The following MFN1 variants were observed in gnomAD, a reference collection of about 807,000 sequenced individuals.
The protein encoded by MFN1 is mitofusin-1.
A neutral mutation model predicts 92.4 loss-of-function variants in MFN1; 65 were observed. The observed-to-expected ratio is 0.70, with a 90% CI of 0.58 to 0.86. The LOEUF (loss-of-function observed/expected upper bound fraction) is 0.86, where lower values mean the gene tolerates loss of function less well. Ranked by LOEUF, MFN1 falls within the 40% of genes least tolerant of loss-of-function variation. MFN1 has a pLI of 0.00. For missense variants in MFN1, 781 were observed against 868.0 expected, an observed-to-expected ratio of 0.90 and a Z score of 1.26; for synonymous variants, 297 against 300.9, an observed-to-expected ratio of 0.99 and a Z score of 0.13.
chr3:179,354,159 GTGA>G (rs1247501070), intron 3 of MFN1, among the ~76,000 whole-genome samples: 1 of 152,170 alleles, frequency 6.6e-6, no homozygotes, highest in Non-Finnish European at 1.5e-5. Flanking sequence ...TCCTGGGAAG[GTGA>G]TGACTCAACT....
At position 179,392,067 on chromosome 3, in the gene MFN1, G is replaced by A; in HGVS notation, c.*8G>A. 1 of 1,586,478 alleles carries A rather than the reference G, an allele frequency of 6.3e-7. No individual in the cohort carries two copies. The highest frequency in any genetic ancestry group is 8.6e-7 in the Non-Finnish European group (1 of 1,158,386). On this transcript the variant is annotated 3_prime_UTR_variant, in exon 18 of 18. Transcript: ENST00000471841. ...AGCAATGAAGAATCCTAACAATAGAGATTGCTTTGGTGACCATGATAGGAG... is the reference window on the plus strand; with the variant it reads ...AGCAATGAAGAATCCTAACAATAGAAATTGCTTTGGTGACCATGATAGGAG...
In MFN1 at chr3:179,394,322, TTCA is replaced by T. The variant is rs1714011351; in HGVS notation, c.*2267_*2269del. ...GTATTAGGTTTGGTATGGCAACTTTTTCATCACTTGTTTTATGTAGTTGTCTGA... is the reference window on the plus strand; with the variant it reads ...GTATTAGGTTTGGTATGGCAACTTTTTCACTTGTTTTATGTAGTTGTCTGA... On this transcript the variant is annotated 3_prime_UTR_variant, in exon 18 of 18. Coordinates refer to ENST00000471841, the MANE Select transcript of MFN1 (RefSeq NM_033540.3). The T allele has an allele frequency of 6.6e-6, 1 of 152,158 alleles. No individual in the cohort carries two copies. Among genetic ancestry groups the T allele is most frequent in the Admixed American group, 6.5e-5 (1 of 15,278 alleles). 9.4% of individuals were successfully genotyped at this position (152,158 alleles called of 1,614,324 possible).
At chr3:179,358,150 GTTT>G (rs771740459) in intron 3 of MFN1, among the ~76,000 whole-genome samples, 3 of 119,712 alleles carry the variant, frequency 2.5e-5, no homozygotes, top group Admixed American at 9.4e-5. Context: ...CACTCATTTT[GTTT>G]TTTTTTTTTT....
chr3:179,384,092 G>A (rs545560980), intron 14 of MFN1, among the ~76,000 whole-genome samples: 3 of 152,162 alleles, frequency 2.0e-5, no homozygotes, highest in Admixed American at 1.3e-4. Flanking sequence ...TATATGACTG[G>A]TTTCTTTCAC....
chr3:179,356,076 C>G (rs1202520145), intron 3 of MFN1, among the ~76,000 whole-genome samples: 1 of 152,272 alleles, frequency 6.6e-6, no homozygotes, highest in East Asian at 1.9e-4. Context: ...ATAGGAATTC[C>G]CTGAGTGATT....
Position 179,385,579 on chromosome 3 carries a change from C to G in MFN1, c.1673C>G (p.Ser558Cys). Reference sequence around the variant, plus strand: ...CTTTTTTTTTGGCAGCTCCCTAGATCTTTAGCTTCTACTCCCACTGCTCCT... The same window carrying G: ...CTTTTTTTTTGGCAGCTCCCTAGATGTTTAGCTTCTACTCCCACTGCTCCT... Reference protein sequence around the residue: ...LSEPIFQLPRSLASTPTAPTT... With the variant: ...LSEPIFQLPRCLASTPTAPTT... The change falls in exon 15 of 18, where the codon TCT becomes TGT. Residue 558 changes from serine to cysteine, a missense_variant. By Grantham distance (112) the Ser-to-Cys change is moderately radical (BLOSUM62 -1). Coordinates refer to ENST00000471841, the MANE Select transcript of MFN1 (RefSeq NM_033540.3). The G allele has an allele frequency of 6.3e-7, 1 of 1,595,444 alleles. No homozygotes were observed. The highest frequency in any genetic ancestry group is 8.5e-7 in the Non-Finnish European group (1 of 1,174,970).
intron 9 of MFN1, among the ~76,000 whole-genome samples, chr3:179,370,389 G>GTTTT (rs1354406941): frequency 6.2e-5 from 6 of 96,782 alleles, no homozygotes; most frequent in African/African-American, 1.1e-4. Context: ...CATTCACTAA[G>GTTTT]TTCTTTTTTT....
rs1713282950 is a variant in MFN1, at chr3:179,377,425, G to T, written c.1306G>T (p.Asp436Tyr). The change falls in exon 12 of 18, where the codon GAT becomes TAT. Residue 436 changes from aspartate (D) to tyrosine (Y), a missense_variant. Asp to Tyr is a radical substitution (Grantham distance 160). Coordinates refer to ENST00000471841, the MANE Select transcript of MFN1 (RefSeq NM_033540.3). ...EFCSEFHPNP[D>Y]VLKIYKSELN... ...TTGTTCAGAGTTTCATCCTAATCCA[G>T]ATGTATTAAAAATATATAAAAGTGT... The T allele has an allele frequency of 6.3e-7, 1 of 1,594,356 alleles. No individual in the cohort carries two copies. The highest frequency in any genetic ancestry group is 1.1e-5 in the South Asian group (1 of 88,666).
At chr3:179,360,949 C>T (rs1047343537) in intron 4 of MFN1, among the ~76,000 whole-genome samples, 1 of 152,042 alleles carries the variant, frequency 6.6e-6, no homozygotes, top group African/African-American at 2.4e-5. Flanking sequence ...TATAGTGAGA[C>T]CCCATCTCTA....
At chr3:179,350,522 C>G (rs1190124182) in intron 2 of MFN1, among the ~76,000 whole-genome samples, 1 of 152,054 alleles carries the variant, frequency 6.6e-6, no homozygotes, top group African/African-American at 2.4e-5. Flanking sequence ...TGTTATAGAT[C>G]ATGCATCATG....
At chr3:179,382,332 T>C (rs1713500499) in intron 14 of MFN1, among the ~76,000 whole-genome samples, 1 of 152,210 alleles carries the variant, frequency 6.6e-6, no homozygotes, top group Non-Finnish European at 1.5e-5. Context: ...TTTGGTTTTT[T>C]GTCCTTGCAA....
At chr3:179,354,370 C>A (rs982533081) in intron 3 of MFN1, among the ~76,000 whole-genome samples, 5 of 152,090 alleles carry the variant, frequency 3.3e-5, no homozygotes, top group Non-Finnish European at 5.9e-5. Context: ...TGTAAAAGAC[C>A]TTGTATTAAT....
intron 17 of MFN1, among the ~76,000 whole-genome samples, chr3:179,390,405 G>A (rs1031659239): frequency 1.3e-5 from 2 of 152,098 alleles, no homozygotes; most frequent in East Asian, 3.8e-4. Context: ...TTTATAGATC[G>A]AAATTTACTC....
chr3:179,386,366 G>A, intron 15 of MFN1, 67 bp from the exon 16 acceptor site: 1 of 1,283,354 alleles, frequency 7.8e-7, no homozygotes, highest in South Asian at 1.3e-5. Flanking sequence ...GAACTAAAAT[G>A]CTTTTAAATG....
chr3:179,392,489 G>C lies in MFN1; in HGVS notation c.*430G>C, dbSNP rs149979414. 8.0e-3 allele frequency: 1,223 copies of C among 153,596 alleles called. 21 individuals are homozygous for C. Among genetic ancestry groups the C allele is most frequent in the African/African-American group, 0.028 (1,169 of 41,568 alleles). 9.5% of individuals were successfully genotyped at this position (153,596 alleles called of 1,614,324 possible). ...TTTTATTTAGTAAATCGCATTGCTG[G>C]AACCACCAAGGAGTGTGGAATGTCC... On this transcript the variant is annotated 3_prime_UTR_variant, in exon 18 of 18. Coordinates refer to ENST00000471841, the MANE Select transcript of MFN1 (RefSeq NM_033540.3).
intron 14 of MFN1, among the ~76,000 whole-genome samples, chr3:179,381,336 C>G (rs1713458941): frequency 6.6e-6 from 1 of 152,254 alleles, no homozygotes; most frequent in South Asian, 2.1e-4. Flanking sequence ...GGACCCACTT[C>G]TTGGTCCCTC....
At chr3:179,358,790 A>G (rs921770708) in intron 3 of MFN1, 50 bp from the exon 4 acceptor site, 3 of 1,550,692 alleles carry the variant, frequency 1.9e-6, no homozygotes, top group Non-Finnish European at 2.6e-6. Flanking sequence ...TGAAAGAACT[A>G]CTTTTTTTAC....
In MFN1 at chr3:179,391,963, T is replaced by G. The variant is rs754411640; in HGVS notation, c.2148-18T>G. The G allele has an allele frequency of 2.6e-6, 4 of 1,522,524 alleles. No individual in the cohort carries two copies. The highest frequency in any genetic ancestry group is 3.6e-6 in the Non-Finnish European group (4 of 1,100,456). The allele number at this position is 1,522,524 out of a possible 1,614,324, so 94.3% of individuals were successfully genotyped here. A position where few individuals can be genotyped will look rare whatever the true frequency, so the allele number is the denominator to read the frequency against. ...GACCTTTATAGTAATTAGATTGGTG[T>G]TTTATTTTTTTAATTAGAAATAAAG... On this transcript the variant is annotated intron_variant, in intron 17 of 17. Coordinates refer to ENST00000471841, the MANE Select transcript of MFN1 (RefSeq NM_033540.3).
chr3:179,366,385 C>CT (rs35841060), intron 7 of MFN1, among the ~76,000 whole-genome samples: 197 of 144,086 alleles, frequency 1.4e-3, no homozygotes, highest in South Asian at 2.7e-3. Context: ...GCATCCTCAA[C>CT]TTTTTTTTTT....
Sources: allele counts gnomAD v4.1 joint callset (sites outside exome capture counted in the v4.1 genomes callset), GRCh38; gene constraint gnomAD v4.1.1; transcripts MANE v1.5; gene names NCBI Gene and HGNC (gene_info 2026-07-23, HGNC 2026-07-21).